Variants in KRABD5 observed in about 807,000 individuals in gnomAD.
KRABD5 encodes KRAB domain containing 5.
At chr16:31,759,643 G>T in the KRABD5 span, 2 of 403,680 alleles carry the variant, frequency 5.0e-6, no homozygotes, top group Non-Finnish European at 9.4e-6. Context: ...GAAGCTGGGG[G>T]CAGGTCTATA....
At chr16:31,713,470 G>A in the KRABD5 span, 190 of 1,595,660 alleles carry the variant, frequency 1.2e-4, 1 homozygote, top group East Asian at 4.2e-3. Context: ...CCAGAAGAGG[G>A]AGAGGGGCGG....
chr16:31,716,920 T>G, the KRABD5 span, among the ~76,000 whole-genome samples: 3 of 152,206 alleles, frequency 2.0e-5, no homozygotes, highest in Non-Finnish European at 4.4e-5. Context: ...TATGTAAGTT[T>G]TTTTCTGCCT....
chr16:31,734,752 C>CTTT, the KRABD5 span, among the ~76,000 whole-genome samples: 1 of 142,416 alleles, frequency 7.0e-6, no homozygotes, highest in Non-Finnish European at 1.6e-5. Context: ...TTTTCTTTTT[C>CTTT]TTTTTTTTTT....
At chr16:31,726,242 C>T in the KRABD5 span, among the ~76,000 whole-genome samples, 1 of 152,250 alleles carries the variant, frequency 6.6e-6, no homozygotes, top group East Asian at 1.9e-4. Context: ...ATCCTTTTCC[C>T]TTTGTGTATC....
the KRABD5 span, chr16:31,758,857 ATTTC>A: frequency 1.3e-5 from 2 of 152,076 alleles, no homozygotes. Context: ...TTTTTTCTTA[ATTTC>A]TTAGACTTGT....
the KRABD5 span, chr16:31,761,417 C>T: frequency 6.6e-6 from 1 of 152,066 alleles, no homozygotes; most frequent in African/African-American, 2.4e-5. Context: ...GTTCACCGGT[C>T]CTCTTATCTC....
chr16:31,719,520 T>A, the KRABD5 span, among the ~76,000 whole-genome samples: 1 of 152,182 alleles, frequency 6.6e-6, no homozygotes, highest in Non-Finnish European at 1.5e-5. Flanking sequence ...AAGACAGGAC[T>A]TAAATCAGCA....
At chr16:31,733,582 A>G in the KRABD5 span, 1 of 456,258 alleles carries the variant, frequency 2.2e-6, no homozygotes, top group Non-Finnish European at 4.4e-6. Context: ...GAAGAGCACC[A>G]TTCTGCCTAA....
chr16:31,722,855 A>C, the KRABD5 span: 2 of 1,289,468 alleles, frequency 1.6e-6, no homozygotes, highest in Non-Finnish European at 2.0e-6. Flanking sequence ...TATATGAATG[A>C]ATTCAGATTC....
the KRABD5 span, among the ~76,000 whole-genome samples, chr16:31,734,467 G>A: frequency 8.5e-5 from 13 of 152,178 alleles, no homozygotes; most frequent in African/African-American, 3.1e-4. Context: ...GTCCAGGCTG[G>A]CCTTGAACTC....
the KRABD5 span, chr16:31,759,194 T>G: frequency 1.5e-6 from 1 of 668,362 alleles, no homozygotes. Context: ...AACCAAAATG[T>G]CCATTAATAA....
At chr16:31,723,804 T>G in the KRABD5 span, among the ~76,000 whole-genome samples, 1 of 152,204 alleles carries the variant, frequency 6.6e-6, no homozygotes, top group Non-Finnish European at 1.5e-5. Flanking sequence ...GTCACATATT[T>G]TCTGGTATAT....
At chr16:31,734,799 T>A in the KRABD5 span, among the ~76,000 whole-genome samples, 1 of 151,490 alleles carries the variant, frequency 6.6e-6, no homozygotes, top group Non-Finnish European at 1.5e-5. Flanking sequence ...CAGGCTGGAG[T>A]GCAGTGGCGT....
At chr16:31,727,183 CT>C in the KRABD5 span, among the ~76,000 whole-genome samples, 1 of 152,172 alleles carries the variant, frequency 6.6e-6, no homozygotes, top group South Asian at 2.1e-4. Flanking sequence ...TTTGTATACT[CT>C]TTAGGGTTTT....
the KRABD5 span, among the ~76,000 whole-genome samples, chr16:31,750,955 T>C: frequency 1.3e-5 from 2 of 152,316 alleles, no homozygotes; most frequent in South Asian, 4.1e-4. Flanking sequence ...AGACAGGGTT[T>C]CGCCATGTTG....
At chr16:31,750,171 T>C in the KRABD5 span, among the ~76,000 whole-genome samples, 1 of 152,246 alleles carries the variant, frequency 6.6e-6, no homozygotes, top group African/African-American at 2.4e-5. Flanking sequence ...GAGCATGGAA[T>C]GTTTTTCCAG....
the KRABD5 span, chr16:31,757,829 G>A: frequency 3.3e-4 from 39 of 119,570 alleles, no homozygotes; most frequent in African/African-American, 1.5e-3. Context: ...TATAAAGATA[G>A]GTAGGTAGGT....
chr16:31,750,713 AG>A, the KRABD5 span, among the ~76,000 whole-genome samples: 3 of 149,456 alleles, frequency 2.0e-5, no homozygotes, highest in Non-Finnish European at 4.5e-5. Context: ...TAGTTTGTTG[AG>A]GGGTTTTTTT....
At chr16:31,724,360 A>G in the KRABD5 span, among the ~76,000 whole-genome samples, 1 of 152,160 alleles carries the variant, frequency 6.6e-6, no homozygotes, top group Non-Finnish European at 1.5e-5. Context: ...ATCATCTCAC[A>G]TAGTTGCCAG....
Sources: gnomAD v4.1 joint callset for allele counts (sites outside exome capture counted in the v4.1 genomes callset) on GRCh38, gnomAD v4.1.1 for gene constraint, MANE v1.5 for transcripts, NCBI Gene and HGNC (gene_info 2026-07-23, HGNC 2026-07-21) for gene names.